The following DOT1L variants were observed in gnomAD, a reference collection of about 807,000 sequenced individuals.
DOT1L encodes the protein histone-lysine N-methyltransferase, H3 lysine-79 specific.
In DOT1L, 33 loss-of-function variants were observed where a neutral mutation model predicts 153.3. The observed-to-expected ratio is 0.22, with a 90% CI of 0.16 to 0.29. The LOEUF is 0.29. Ranked by LOEUF, DOT1L falls within the 10% of genes least tolerant of loss-of-function variation. The pLI is 1.00. For missense variants in DOT1L, 1,847 were observed against 2,119.9 expected, an observed-to-expected ratio of 0.87 and a Z score of 2.53; for synonymous variants, 1,135 against 965.1, an observed-to-expected ratio of 1.18 and a Z score of -3.26.
At position 2,222,788 on chromosome 19, in the gene DOT1L, G is replaced by A. The variant is rs1350071169; in HGVS notation, c.3390+229G>A. On this transcript the variant is annotated intron_variant, in intron 24 of 27. Coordinates refer to ENST00000398665, the MANE Select transcript of DOT1L (RefSeq NM_032482.3). The surrounding 1 kb of genome is among the most constrained non-coding windows in gnomAD (Gnocchi z 6.5). ...GGTGGCGGGTGCCTGGGAGGCTGAGGCAGGAGAATGATGTGAACCCGGGAG... is the reference window on the plus strand; with the variant it reads ...GGTGGCGGGTGCCTGGGAGGCTGAGACAGGAGAATGATGTGAACCCGGGAG... 2 of 534,818 alleles carry A rather than the reference G, an allele frequency of 3.7e-6. No homozygotes were observed. The highest frequency in any genetic ancestry group is 3.4e-5 in the Admixed American group (1 of 29,442). The allele number at this position is 534,818 out of a possible 1,614,324, so 33.1% of individuals were successfully genotyped here.
At chr19:2,198,241 T>C (rs4807214) in intron 7 of DOT1L, among the ~76,000 whole-genome samples, 147,294 of 152,334 alleles carry the variant, frequency 0.97, 71,277 homozygotes, top group East Asian at 1. Context: ...GGTGGCTTGT[T>C]CACGGGGAAT....
intron 27 of DOT1L, chr19:2,228,156 C>T (rs751138339): frequency 4.3e-5 from 59 of 1,364,846 alleles, no homozygotes; most frequent in Non-Finnish European, 5.6e-5. Flanking sequence ...GTCTATCAAG[C>T]TCACCTCCCT....
chr19:2,181,763 A>ACCAGCCCCAGCC lies in DOT1L; in HGVS notation c.125+1033_125+1044dup, dbSNP rs899034866. The stretch of plus-strand genomic sequence containing the variant: ...GACCCCAGCCCAGCCCCCGCCCAGC[A>ACCAGCCCCAGCC]CCAGCCCCAGCCCCAGCCCCAGCCC... On this transcript the variant is annotated intron_variant, in intron 2 of 27. Transcript: ENST00000398665. Among the ~76,000 whole-genome samples the ACCAGCCCCAGCC allele has an allele frequency of 9.4e-3, 1,299 of 138,572 alleles. 20 individuals are homozygous for ACCAGCCCCAGCC. The highest frequency in any genetic ancestry group is 0.032 in the African/African-American group (1,211 of 37,876). The allele number at this position is 138,572 out of a possible 152,430, so 90.9% of individuals were successfully genotyped here. A position where few individuals can be genotyped will look rare whatever the true frequency, so the allele number is the denominator to read the frequency against.
rs370161661 is a variant in DOT1L, at chr19:2,220,849, G to T, written c.2806+627G>T. The T allele has an allele frequency of 5.9e-5, 18 of 303,050 alleles. No homozygotes were observed. Among genetic ancestry groups the T allele is most frequent in the African/African-American group, 3.9e-4 (18 of 45,720 alleles). The allele number at this position is 303,050 out of a possible 1,614,324, so 18.8% of individuals were successfully genotyped here. A position where few individuals can be genotyped will look rare whatever the true frequency, so the allele number is the denominator to read the frequency against. On this transcript the variant is annotated intron_variant, in intron 23 of 27. Coordinates refer to ENST00000398665, the MANE Select transcript of DOT1L (RefSeq NM_032482.3). This position sits in a 1 kb window ranked among gnomAD's most constrained non-coding sequence, Gnocchi z 4.5. ...GTTTGCTGGCCCCAGGTTGAGATGC[G>T]GTATGATGCGGCAGCTACTTTTTTA...
intron 1 of DOT1L, among the ~76,000 whole-genome samples, chr19:2,177,983 T>C (rs1050857203): frequency 9.3e-5 from 14 of 151,290 alleles, no homozygotes; most frequent in African/African-American, 3.4e-4. Context: ...AGTGCAGTGG[T>C]GCAGTCTCAG....
chr19:2,209,076 G>A (rs1447450198), intron 12 of DOT1L, 100 bp downstream of exon 12: 1 of 1,363,404 alleles, frequency 7.3e-7, no homozygotes, highest in Non-Finnish European at 1.0e-6. Context: ...CACGACTGGA[G>A]CACAGCCCTG....
chr19:2,210,350 GC>G, intron 12 of DOT1L, 49 bp from the exon 13 acceptor site: 1 of 1,435,582 alleles, frequency 7.0e-7, no homozygotes, highest in Non-Finnish European at 9.2e-7. Flanking sequence ...GTGCAGGAGG[GC>G]CGTGGGCAGC....
chr19:2,183,649 C>A (rs557730398), intron 2 of DOT1L, among the ~76,000 whole-genome samples: 1 of 149,386 alleles, frequency 6.7e-6, no homozygotes, highest in South Asian at 2.1e-4. Flanking sequence ...TTTTTTAAGG[C>A]GGAGTCTCAC....
chr19:2,227,342 C>T (rs1568374292), intron 27 of DOT1L: 1 of 743,898 alleles, frequency 1.3e-6, no homozygotes, highest in Non-Finnish European at 2.4e-6. Flanking sequence ...CTGGTTGTAA[C>T]CGCGTCCCTC....
In DOT1L at chr19:2,193,577, C is replaced by A. The variant is rs2022889409; in HGVS notation, c.494-112C>A. The A allele has an allele frequency of 6.3e-6, 6 of 955,412 alleles. No individual in the cohort carries two copies. Among genetic ancestry groups the A allele is most frequent in the Non-Finnish European group, 9.7e-6 (6 of 619,566 alleles). The allele number at this position is 955,412 out of a possible 1,614,324, so 59.2% of individuals were successfully genotyped here. On this transcript the variant is annotated intron_variant, in intron 5 of 27. Transcript: ENST00000398665. The surrounding 1 kb of genome is among the most constrained non-coding windows in gnomAD (Gnocchi z 5.9). ...GGATATGTGTGGAGACTGTGGCCTCCCCTGTGGGTCTTCATGGCCGCATTC... is the reference window on the plus strand; with the variant it reads ...GGATATGTGTGGAGACTGTGGCCTCACCTGTGGGTCTTCATGGCCGCATTC...
rs2144818599 is a variant in DOT1L at position 2,208,350 on chromosome 19, C to T, written c.964-585C>T. Among the ~76,000 whole-genome samples, 2 of 152,194 alleles carry T rather than the reference C, an allele frequency of 1.3e-5. No individual in the cohort carries two copies. Among genetic ancestry groups the T allele is most frequent in the South Asian group, 4.1e-4 (2 of 4,824 alleles). On this transcript the variant is annotated intron_variant, in intron 11 of 27. Transcript: ENST00000398665. The surrounding 1 kb of genome is among the most constrained non-coding windows in gnomAD (Gnocchi z 4.4). Reference sequence around the variant, plus strand: ...CCTTACGGTGGTGCTGGTGTGTCTGCACCCTCACTGTCCAGTGCTCGGAGC... The same window carrying T: ...CCTTACGGTGGTGCTGGTGTGTCTGTACCCTCACTGTCCAGTGCTCGGAGC...
rs769401424 is a variant in DOT1L at position 2,191,474 on chromosome 19, A to G, written c.493+234A>G. Among the ~76,000 whole-genome samples the G allele has an allele frequency of 1.3e-5, 2 of 151,928 alleles. No homozygotes were observed. Among genetic ancestry groups the G allele is most frequent in the Non-Finnish European group, 2.9e-5 (2 of 67,964 alleles). On this transcript the variant is annotated intron_variant, in intron 5 of 27. Coordinates refer to ENST00000398665, the MANE Select transcript of DOT1L (RefSeq NM_032482.3). This position sits in a 1 kb window ranked among gnomAD's most constrained non-coding sequence, Gnocchi z 6.8. ...ACCCAGTGGCTCCCAGACCAGGCCC[A>G]TCCTCCCAGGTGCCCGGAGACTCTG...
At chr19:2,165,453 C>T (rs1054769302) in intron 1 of DOT1L, among the ~76,000 whole-genome samples, 1 of 152,176 alleles carries the variant, frequency 6.6e-6, no homozygotes, top group Non-Finnish European at 1.5e-5. Context: ...GCGGGGCTGG[C>T]GGGGTAGGGC....
At chr19:2,186,756 C>T (rs999629759) in intron 3 of DOT1L, among the ~76,000 whole-genome samples, 7 of 152,244 alleles carry the variant, frequency 4.6e-5, no homozygotes, top group East Asian at 1.9e-4. Flanking sequence ...GGCAGACAAG[C>T]GTGTTGCTGG....
intron 7 of DOT1L, among the ~76,000 whole-genome samples, chr19:2,195,877 C>A (rs1054413462): frequency 6.6e-6 from 1 of 152,244 alleles, no homozygotes; most frequent in African/African-American, 2.4e-5. Flanking sequence ...ATTCGACTCT[C>A]ACAGTTCAGA....
chr19:2,166,879 G>T (rs1380680247), intron 1 of DOT1L, among the ~76,000 whole-genome samples: 1 of 152,146 alleles, frequency 6.6e-6, no homozygotes, highest in African/African-American at 2.4e-5. Context: ...TCCTCAGCTT[G>T]CCTGGGAGCT....
Position 2,230,062 on chromosome 19 carries a change from A to C in DOT1L, c.*270A>C. ...TATTCCATCTAAGTGGTAAAAGGCA[A>C]CTTATTGAGAAATATAAATATCTAT... On this transcript the variant is annotated 3_prime_UTR_variant, in exon 28 of 28. Transcript: ENST00000398665. 1 of 603,180 alleles carries C rather than the reference A, an allele frequency of 1.7e-6. No individual in the cohort carries two copies. The highest frequency in any genetic ancestry group is 2.8e-5 in the East Asian group (1 of 35,114). 37.4% of individuals were successfully genotyped at this position (603,180 alleles called of 1,614,324 possible).
chr19:2,198,498 G>A (rs1055904174), intron 7 of DOT1L, among the ~76,000 whole-genome samples: 6 of 152,232 alleles, frequency 3.9e-5, no homozygotes, highest in Non-Finnish European at 5.9e-5. Flanking sequence ...GCCCGGGGGG[G>A]TGTCCCTGTC....
chr19:2,227,859 T>C, intron 27 of DOT1L: 1 of 1,282,570 alleles, frequency 7.8e-7, no homozygotes, highest in Non-Finnish European at 1.0e-6. Context: ...GGCCAGCGCC[T>C]CGGCCTCTTC....
Sources: allele counts gnomAD v4.1 joint callset (sites outside exome capture counted in the v4.1 genomes callset), GRCh38; gene constraint gnomAD v4.1.1; non-coding constraint Gnocchi (gnomAD v3.1); transcripts MANE v1.5; gene names NCBI Gene and HGNC (gene_info 2026-07-23, HGNC 2026-07-21).